Variants in OGG1 observed in about 807,000 individuals in gnomAD.
OGG1 encodes the protein 8-oxoguanine DNA glycosylase, also known as N-glycosylase/DNA lyase.
OGG1 carries 35 observed loss-of-function variants against 42.3 expected under a neutral mutation model. The ratio of observed to expected loss-of-function variants is 0.83; its 90% CI spans 0.63 to 1.10. OGG1 has a LOEUF of 1.10. Ranked by LOEUF, OGG1 falls within the 50% of genes least tolerant of loss-of-function variation. The probability of loss-of-function intolerance (pLI) is 0.00; values close to 1 mark genes in which losing one functional copy is unlikely to be tolerated. For synonymous variants in OGG1, 189 were observed against 179.0 expected (o/e 1.06, Z -0.44); for missense variants, 484 against 446.7 (o/e 1.08, Z -0.75).
chr3:9,785,177 C>A (rs1168617599), intron 3 of OGG1: 9 of 610,924 alleles, frequency 1.5e-5, no homozygotes, highest in Admixed American at 5.8e-5. Flanking sequence ...GCTGGGTCAT[C>A]ACTCACACTT....
chr3:9,779,998 T>C (rs1373982065), intron 2 of OGG1: 1 of 183,708 alleles, frequency 5.4e-6, no homozygotes, highest in Non-Finnish European at 1.1e-5. Context: ...GTCACTTTAT[T>C]CTTAAGTTTG....
downstream of OGG1, among the ~76,000 whole-genome samples, chr3:9,768,967 A>T (rs1260324364): frequency 6.6e-6 from 1 of 151,972 alleles, no homozygotes; most frequent in Non-Finnish European, 1.5e-5. Context: ...ACCCTCACAG[A>T]TCCACACACA....
chr3:9,762,565 CAG>C (rs1178893179), intron 7 of OGG1, among the ~76,000 whole-genome samples: 1 of 152,042 alleles, frequency 6.6e-6, no homozygotes, highest in East Asian at 1.9e-4. Context: ...TTGGTAGAGA[CAG>C]GGTTTTGCCA....
downstream of OGG1, chr3:9,759,819 C>T: frequency 2.5e-6 from 4 of 1,612,952 alleles, no homozygotes; most frequent in Non-Finnish European, 3.4e-6. Context: ...CAAGAGCATA[C>T]CCACTCCCTC....
intron 3 of OGG1, among the ~76,000 whole-genome samples, chr3:9,753,314 A>AGCCTGGGCGACAGGGC (rs2077388386): frequency 6.8e-6 from 1 of 148,098 alleles, no homozygotes; most frequent in African/African-American, 2.5e-5. Flanking sequence ...ATTGCACTCC[A>AGCCTGGGCGACAGGGC]GCCTGGGCGA....
At chr3:9,768,503 C>G (rs2078218315), downstream of OGG1, among the ~76,000 whole-genome samples, 1 of 152,164 alleles carries the variant, frequency 6.6e-6, no homozygotes, top group Admixed American at 6.5e-5. Flanking sequence ...GAGTTCTCTC[C>G]CATTTATCAG....
At chr3:9,759,842 G>A (rs746424746), downstream of OGG1, 2 of 1,606,148 alleles carry the variant, frequency 1.2e-6, no homozygotes, top group Admixed American at 1.7e-5. Flanking sequence ...GTCTGGCCTG[G>A]CATCAAGACA....
At chr3:9,764,344 G>A (rs2078036433) in intron 7 of OGG1, among the ~76,000 whole-genome samples, 1 of 152,056 alleles carries the variant, frequency 6.6e-6, no homozygotes, top group Admixed American at 6.6e-5. Context: ...TGCTCAGGCT[G>A]GAGTGTTGCC....
chr3:9,751,104 C>A lies in OGG1; in HGVS notation c.297C>A (p.Tyr99Ter). Residue 99 changes from tyrosine (Y) to a stop codon, truncating the protein, a stop_gained, in exon 2 of 7, where the codon TAC becomes TAA. Coordinates refer to ENST00000344629, the MANE Select transcript of OGG1 (RefSeq NM_002542.6). LOFTEE classifies it high-confidence loss of function. ...ACGAGCTGGAGGCCGTGCGCAAGTA[C>A]TTCCAGCTAGATGTTACCCTGGCTC... ...TPDELEAVRK[Y>*]FQLDVTLAQL... 1 of 1,614,168 alleles carries A rather than the reference C, an allele frequency of 6.2e-7. No homozygotes were observed. Among genetic ancestry groups the A allele is most frequent in the Non-Finnish European group, 8.5e-7 (1 of 1,180,032 alleles).
chr3:9,762,984 C>T (rs758368101), intron 7 of OGG1: 24 of 1,613,930 alleles, frequency 1.5e-5, no homozygotes, highest in Middle Eastern at 1.6e-4. Flanking sequence ...GAAGATGAGG[C>T]GGCTGGCGTC....
chr3:9,753,470 G>T (rs570730692), intron 3 of OGG1, among the ~76,000 whole-genome samples: 4 of 152,122 alleles, frequency 2.6e-5, no homozygotes, highest in Admixed American at 2.6e-4. Context: ...GCCTAATACG[G>T]TGAAACCCCG....
At chr3:9,776,149 C>G (rs1304364287) in intron 2 of OGG1, among the ~76,000 whole-genome samples, 1 of 152,144 alleles carries the variant, frequency 6.6e-6, no homozygotes, top group Admixed American at 6.6e-5. Context: ...TTATCCTTTC[C>G]TTTCCCCTCC....
chr3:9,776,719 T>C (rs1459966428), intron 2 of OGG1, among the ~76,000 whole-genome samples: 1 of 152,116 alleles, frequency 6.6e-6, no homozygotes, highest in Non-Finnish European at 1.5e-5. Context: ...TGCGGCCTAG[T>C]GTTTTGATTG....
intron 7 of OGG1, chr3:9,763,096 G>C (rs1236874033): frequency 1.2e-6 from 2 of 1,614,036 alleles, no homozygotes; most frequent in Non-Finnish European, 1.7e-6. Context: ...GGTTGGGACA[G>C]CTGGGAGAGG....
chr3:9,789,788 G>A, downstream of OGG1: 5 of 1,614,216 alleles, frequency 3.1e-6, no homozygotes, highest in Non-Finnish European at 4.2e-6. Context: ...CTGGATCTTG[G>A]GCTGAAGGTT....
chr3:9,753,388 C>T (rs2077395718), intron 3 of OGG1, among the ~76,000 whole-genome samples: 2 of 147,292 alleles, frequency 1.4e-5, no homozygotes, highest in African/African-American at 5.0e-5. Context: ...CGTGGTGGCT[C>T]ACACCCGTAA....
At chr3:9,750,599 T>C (rs2077255698) in intron 1 of OGG1, 176 bp downstream of exon 1, 3 of 864,906 alleles carry the variant, frequency 3.5e-6, no homozygotes, top group Non-Finnish European at 5.5e-6. Flanking sequence ...CAGTGATAAT[T>C]GTAAGGATCC....
chr3:9,754,852 G>A lies in OGG1; in HGVS notation c.714G>A (p.Lys238=). The A allele has an allele frequency of 6.2e-7, 1 of 1,606,584 alleles. No homozygotes were observed. Among genetic ancestry groups the A allele is most frequent in the Non-Finnish European group, 8.5e-7 (1 of 1,176,418 alleles). The part of the protein sequence containing the change: ...LRESSYEEAH[K]ALCILPGVGT... Reference sequence around the variant, plus strand: ...AGTCCTCATATGAGGAGGCCCACAAGGCCCTCTGCATCCTGCCTGGAGTGG... The same window carrying A: ...AGTCCTCATATGAGGAGGCCCACAAAGCCCTCTGCATCCTGCCTGGAGTGG... The change falls in exon 4 of 7, where the codon AAG becomes AAA. Residue 238 remains lysine, a synonymous_variant. Transcript: ENST00000344629.
At chr3:9,775,816 T>G (rs2078356622) in intron 2 of OGG1, among the ~76,000 whole-genome samples, 1 of 152,034 alleles carries the variant, frequency 6.6e-6, no homozygotes, top group South Asian at 2.1e-4. Flanking sequence ...CGTTTTGTAT[T>G]TTTAGTAGAG....
Sources: allele counts gnomAD v4.1 joint callset (sites outside exome capture counted in the v4.1 genomes callset), GRCh38; gene constraint gnomAD v4.1.1; transcripts MANE v1.5; gene names NCBI Gene and HGNC (gene_info 2026-07-23, HGNC 2026-07-21).